Variants in DLGAP4 observed in about 807,000 individuals in gnomAD.
DLGAP4 encodes disks large-associated protein 4.
A neutral mutation model predicts 86.9 loss-of-function variants in DLGAP4; 18 were observed. The observed-to-expected ratio is 0.21, with a 90% CI of 0.14 to 0.31. DLGAP4 has a LOEUF of 0.31. DLGAP4 is among the 10% of genes least tolerant of loss of function. DLGAP4 has a pLI of 1.00. For synonymous variants in DLGAP4, 548 were observed against 574.3 expected, an observed-to-expected ratio of 0.95 and a Z score of 0.65; for missense variants, 1,085 against 1,362.6, an observed-to-expected ratio of 0.80 and a Z score of 3.21.
At chr20:36,398,212 C>T (rs1027096595) in intron 2 of DLGAP4, among the ~76,000 whole-genome samples, 2 of 152,174 alleles carry the variant, frequency 1.3e-5, no homozygotes, top group African/African-American at 4.8e-5. Flanking sequence ...AGTGACAATT[C>T]TGGTGTGTTA....
chr20:36,523,220 T>G (rs1212627044), intron 10 of DLGAP4, among the ~76,000 whole-genome samples: 1 of 152,024 alleles, frequency 6.6e-6, no homozygotes, highest in Non-Finnish European at 1.5e-5. Context: ...ACCCAGCTAA[T>G]TTTTTGTATT....
In DLGAP4 at chr20:36,348,122, G is replaced by A. The variant is rs139841160; in HGVS notation, c.-303-18923G>A. Among the ~76,000 whole-genome samples the A allele has an allele frequency of 5.9e-5, 9 of 152,270 alleles. No homozygotes were observed. In the East Asian group the frequency reaches 1.7e-3, roughly 29 times the overall value. Reference sequence around the variant, plus strand: ...TTTATATCCTTCTACCAAAAACGTAGTCACATGGCCACACCTATCTGCACA... The same window carrying A: ...TTTATATCCTTCTACCAAAAACGTAATCACATGGCCACACCTATCTGCACA... On this transcript the variant is annotated intron_variant, in intron 1 of 12. Coordinates refer to ENST00000339266, the MANE Select transcript of DLGAP4 (RefSeq NM_001365621.2).
rs927676622 is a variant in DLGAP4 at position 36,321,588 on chromosome 20, C to T, written c.-304+15076C>T. Among the ~76,000 whole-genome samples, 11 of 152,372 alleles carry T rather than the reference C, an allele frequency of 7.2e-5. No homozygotes were observed. In the East Asian group the frequency reaches 1.2e-3, roughly 16 times the overall value. ...CTGGTGAGGCGCTCGCCCGCCTCAG[C>T]GCGTTTCATCTGCGCCCGAGTCTAG... On this transcript the variant is annotated intron_variant, in intron 1 of 12. Transcript: ENST00000339266.
At chr20:36,456,603 C>T (rs2033885630) in intron 7 of DLGAP4, among the ~76,000 whole-genome samples, 1 of 152,228 alleles carries the variant, frequency 6.6e-6, no homozygotes, top group Non-Finnish European at 1.5e-5. Context: ...GGACACTGGG[C>T]AGAAGGCAGG....
chr20:36,493,807 A>G (rs2035769550), intron 7 of DLGAP4, among the ~76,000 whole-genome samples: 1 of 152,180 alleles, frequency 6.6e-6, no homozygotes, highest in Admixed American at 6.5e-5. Flanking sequence ...CCCCACCTGC[A>G]AAGTGGGCAT....
chr20:36,461,751 GCCC>G, intron 7 of DLGAP4: 46 of 618,646 alleles, frequency 7.4e-5, no homozygotes, highest in Non-Finnish European at 8.2e-5. Flanking sequence ...CCGTCCGTCC[GCCC>G]GCCCGCCCGC....
intron 7 of DLGAP4, among the ~76,000 whole-genome samples, chr20:36,460,627 CTACCACAGG>C (rs1404957239): frequency 6.6e-6 from 1 of 152,216 alleles, no homozygotes; most frequent in East Asian, 1.9e-4. Context: ...TCTGGCAGAC[CTACCACAGG>C]TGCGGCCTGG....
intron 7 of DLGAP4, among the ~76,000 whole-genome samples, chr20:36,456,626 G>T (rs73105132): frequency 6.6e-6 from 1 of 152,200 alleles, no homozygotes; most frequent in South Asian, 2.1e-4. Flanking sequence ...TCCTGTCTGG[G>T]GTCCACCAAC....
Position 36,436,338 on chromosome 20 carries a change from G to A in DLGAP4, c.1229G>A (p.Ser410Asn), listed in dbSNP as rs1015393884. 12 of 1,595,714 alleles carry A rather than the reference G, an allele frequency of 7.5e-6. No individual in the cohort carries two copies. The highest frequency in any genetic ancestry group is 8.5e-6 in the Non-Finnish European group (10 of 1,174,738). ...RATQQSLGEQ[S>N]NPRRSLDRLD... is the part of the protein sequence containing the mutation. ...ACGCAGCAGTCGCTGGGAGAGCAGA[G>A]CAACCCCCGCAGGTAGGCGCGCAGC... Residue 410 changes from serine to asparagine, a missense_variant, in exon 4 of 13, where the codon AGC (serine) becomes AAC (asparagine). Physicochemically the swap from Ser to Asn is conservative, Grantham distance 46. Around this residue, in one of 2 missense-constraint regions of DLGAP4, gnomAD observed 1,082 missense variants for 1,344.1 expected, o/e 0.81. Transcript: ENST00000339266.
rs2030715600 is a variant in DLGAP4 at position 36,367,135 on chromosome 20, A to G, written c.-213A>G. The G allele has an allele frequency of 6.6e-6, 1 of 152,424 alleles. No individual in the cohort carries two copies. The highest frequency in any genetic ancestry group is 1.5e-5 in the Non-Finnish European group (1 of 68,140). 9.4% of individuals were successfully genotyped at this position (152,424 alleles called of 1,614,324 possible). On this transcript the variant is annotated 5_prime_UTR_variant, in exon 2 of 13. Coordinates refer to ENST00000339266, the MANE Select transcript of DLGAP4 (RefSeq NM_001365621.2). Reference sequence around the variant, plus strand: ...CGGGCGGTGGCAGAGCCCCTGTCCCAAGCTGCTTCCTGCCGGCACCTCTGA... The same window carrying G: ...CGGGCGGTGGCAGAGCCCCTGTCCCGAGCTGCTTCCTGCCGGCACCTCTGA...
chr20:36,418,355 C>T (rs1347517542), intron 2 of DLGAP4, among the ~76,000 whole-genome samples: 1 of 152,056 alleles, frequency 6.6e-6, no homozygotes, highest in African/African-American at 2.4e-5. Flanking sequence ...TCAAGTGATT[C>T]ACCCACCTCG....
intron 10 of DLGAP4, among the ~76,000 whole-genome samples, chr20:36,506,420 A>G (rs1335620292): frequency 3.3e-5 from 5 of 152,208 alleles, no homozygotes; most frequent in Non-Finnish European, 7.3e-5. Flanking sequence ...GAACTCCTGC[A>G]GTTGAACATG....
chr20:36,382,507 C>CTTTCT (rs1356856644), intron 2 of DLGAP4, among the ~76,000 whole-genome samples: 3 of 144,246 alleles, frequency 2.1e-5, no homozygotes, highest in Non-Finnish European at 3.1e-5. Flanking sequence ...TCTTTCTTTT[C>CTTTCT]TTTCTTTCTT....
At chr20:36,366,743 G>T (rs1029011865) in intron 1 of DLGAP4, among the ~76,000 whole-genome samples, 8 of 152,188 alleles carry the variant, frequency 5.3e-5, no homozygotes, top group Non-Finnish European at 1.0e-4. Flanking sequence ...AGCAAGACAG[G>T]GAAGGATTTG....
rs375751305 is a variant in DLGAP4 at position 36,463,544 on chromosome 20, C to A, written c.1648+16607C>A. ...CTGCCCTTCCAATAGAGCAGGGAGA[C>A]GGCTGTTTCTTAATTCAGGCCCCAA... On this transcript the variant is annotated intron_variant, in intron 7 of 12. Coordinates refer to ENST00000339266, the MANE Select transcript of DLGAP4 (RefSeq NM_001365621.2). Among the ~76,000 whole-genome samples the A allele has an allele frequency of 2.6e-5, 4 of 152,172 alleles. No individual in the cohort carries two copies. In the East Asian group the frequency reaches 7.7e-4, roughly 29 times the overall value.
At chr20:36,381,499 C>T (rs1164235329) in intron 2 of DLGAP4, among the ~76,000 whole-genome samples, 1 of 152,214 alleles carries the variant, frequency 6.6e-6, no homozygotes, top group Non-Finnish European at 1.5e-5. Flanking sequence ...AAGTGGGTGA[C>T]ACATCATGCC....
intron 2 of DLGAP4, among the ~76,000 whole-genome samples, chr20:36,421,468 A>G (rs886962409): frequency 4.0e-5 from 6 of 151,892 alleles, no homozygotes; most frequent in Admixed American, 1.3e-4. Context: ...AAAAAAAAAA[A>G]AAGAGAGAAT....
chr20:36,507,470 T>C (rs2036443149), intron 10 of DLGAP4, among the ~76,000 whole-genome samples: 1 of 152,146 alleles, frequency 6.6e-6, no homozygotes, highest in African/African-American at 2.4e-5. Context: ...TCAAGTGATC[T>C]GCCCACCTCG....
At chr20:36,428,646 G>T (rs2033044668) in intron 2 of DLGAP4, among the ~76,000 whole-genome samples, 1 of 152,198 alleles carries the variant, frequency 6.6e-6, no homozygotes, top group Non-Finnish European at 1.5e-5. Context: ...AGTTCAGCAG[G>T]GCCAGTGGGC....
Sources: gnomAD v4.1 joint callset for allele counts (sites outside exome capture counted in the v4.1 genomes callset) on GRCh38, gnomAD v4.1.1 for gene constraint, gnomAD v4.1.1 regional missense constraint, MANE v1.5 for transcripts, NCBI Gene and HGNC (gene_info 2026-07-23, HGNC 2026-07-21) for gene names.